GLYAT: variants seen among roughly 807,000 people sequenced by gnomAD.
The protein encoded by GLYAT is glycine N-acyltransferase.
A neutral mutation model predicts 22.8 loss-of-function variants in GLYAT; 25 were observed. The observed-to-expected ratio is 1.09, with a 90% CI of 0.80 to 1.53. GLYAT has a LOEUF of 1.53. Among genes scored for constraint, GLYAT ranks in the 40% most tolerant of loss-of-function variants. GLYAT has a pLI of 0.00. For missense variants in GLYAT, 411 were observed against 353.9 expected (o/e 1.16, Z -1.29); for synonymous variants, 140 against 122.7 (o/e 1.14, Z -0.93).
At chr11:58,710,496 T>C (rs916378353) in intron 5 of GLYAT, 94 bp downstream of exon 5, 1 of 964,464 alleles carries the variant, frequency 1.0e-6, no homozygotes, top group African/African-American at 1.6e-5. Flanking sequence ...TTGTACAACA[T>C]TGATTGTAGG....
Position 58,715,523 on chromosome 11 carries a change from A to G in GLYAT, c.82-100T>C. ...AAAATTATTTCTATAAAATCATGAC[A>G]TTTTATGATACAAAGTAGCCAAATG... On this transcript the variant is annotated intron_variant, in intron 2 of 5. Coordinates refer to ENST00000344743, the MANE Select transcript of GLYAT (RefSeq NM_201648.3). 3 of 641,676 alleles carry G rather than the reference A, an allele frequency of 4.7e-6. No individual in the cohort carries two copies. In the South Asian group the frequency reaches 5.7e-5, roughly 12 times the overall value. The allele number at this position is 641,676 out of a possible 1,614,324, so 39.7% of individuals were successfully genotyped here. A position where few individuals can be genotyped will look rare whatever the true frequency, so the allele number is the denominator to read the frequency against.
intron 2 of GLYAT, among the ~76,000 whole-genome samples, chr11:58,716,319 T>C (rs1373280151): frequency 6.6e-6 from 1 of 152,088 alleles, no homozygotes; most frequent in South Asian, 2.1e-4. Flanking sequence ...AAAAAGGTGC[T>C]GTGCACTTGA....
intron 2 of GLYAT, among the ~76,000 whole-genome samples, chr11:58,724,015 G>A (rs1406412386): frequency 6.6e-6 from 1 of 152,098 alleles, no homozygotes; most frequent in African/African-American, 2.4e-5. Context: ...TAATAAACAA[G>A]TTAAACATTA....
In GLYAT at chr11:58,710,643, A is replaced by G; in HGVS notation, c.435T>C (p.Pro145=). Residue 145 remains proline (P), a synonymous_variant, in exon 5 of 6, where the codon CCT becomes CCC. Transcript: ENST00000344743. ...MAAETAKELT[P]FLLKSKILSP... ...ATAAAATCTTTGATTTCAGCAGGAA[A>G]GGAGTCAGTTCCTTGGCTGTTTCAG... is the stretch of plus-strand genomic sequence containing the variant. 1 of 1,609,130 alleles carries G rather than the reference A, an allele frequency of 6.2e-7. No homozygotes were observed. Among genetic ancestry groups the G allele is most frequent in the Non-Finnish European group, 8.5e-7 (1 of 1,175,448 alleles).
At position 58,713,990 on chromosome 11, in the gene GLYAT, G is replaced by T. The variant is rs115098200; in HGVS notation, c.190-1104C>A. Among the ~76,000 whole-genome samples the T allele has an allele frequency of 3.7e-3, 562 of 152,102 alleles. 6 individuals carry two copies. Among genetic ancestry groups the T allele is most frequent in the African/African-American group, 0.012 (502 of 41,502 alleles). Reference sequence around the variant, plus strand: ...TACATTTTGAAATGGCTAAATCAGGGTAATTAGCATACATATTGCTTCCCC... The same window carrying T: ...TACATTTTGAAATGGCTAAATCAGGTTAATTAGCATACATATTGCTTCCCC... On this transcript the variant is annotated intron_variant, in intron 3 of 5. Transcript: ENST00000344743.
chr11:58,723,821 T>G (rs959970511), intron 2 of GLYAT, among the ~76,000 whole-genome samples: 25 of 152,024 alleles, frequency 1.6e-4, no homozygotes, highest in African/African-American at 6.0e-4. Context: ...TTGTTTTATT[T>G]AATTCTTAGA....
intron 2 of GLYAT, among the ~76,000 whole-genome samples, chr11:58,718,464 A>G (rs938299930): frequency 2.9e-4 from 44 of 152,200 alleles, no homozygotes; most frequent in African/African-American, 9.6e-4. Context: ...TTAACATTTT[A>G]TCTCTCTATG....
At chr11:58,728,479 A>G (rs1035912103) in intron 1 of GLYAT, among the ~76,000 whole-genome samples, 2 of 152,170 alleles carry the variant, frequency 1.3e-5, no homozygotes, top group African/African-American at 2.4e-5. Context: ...CTGCAGACCC[A>G]TAAGAATTCA....
At chr11:58,727,076 C>T (rs563654392) in intron 1 of GLYAT, among the ~76,000 whole-genome samples, 1 of 152,132 alleles carries the variant, frequency 6.6e-6, no homozygotes, top group East Asian at 1.9e-4. Context: ...TTCAAAAACC[C>T]CAGAAAAACT....
At chr11:58,715,543 CA>C in intron 2 of GLYAT, 120 bp from the exon 3 acceptor site, 1 of 616,210 alleles carries the variant, frequency 1.6e-6, no homozygotes, top group East Asian at 2.7e-5. Context: ...ACAAAGTAGC[CA>C]AATGGAGAAT....
chr11:58,717,736 A>AT (rs1267988877), intron 2 of GLYAT, among the ~76,000 whole-genome samples: 1 of 151,994 alleles, frequency 6.6e-6, no homozygotes, highest in African/African-American at 2.4e-5. Flanking sequence ...CCAGTTTCCC[A>AT]TTTTTACTAA....
At chr11:58,725,180 C>A (rs558402534) in intron 1 of GLYAT, among the ~76,000 whole-genome samples, 4 of 152,214 alleles carry the variant, frequency 2.6e-5, no homozygotes, top group African/African-American at 9.6e-5. Flanking sequence ...GCATCATATT[C>A]AAAACTTGTA....
chr11:58,730,061 A>G (rs1856856739), intron 1 of GLYAT, among the ~76,000 whole-genome samples: 1 of 152,200 alleles, frequency 6.6e-6, no homozygotes, highest in African/African-American at 2.4e-5. Context: ...TGACACAATA[A>G]TGGTAGCTGG....
intron 2 of GLYAT, among the ~76,000 whole-genome samples, chr11:58,716,530 C>A (rs1203961082): frequency 1.3e-5 from 2 of 152,018 alleles, no homozygotes; most frequent in Non-Finnish European, 2.9e-5. Flanking sequence ...ACAGTTTTGG[C>A]AAAATATAGT....
intron 2 of GLYAT, among the ~76,000 whole-genome samples, chr11:58,720,925 A>G (rs1319600666): frequency 2.6e-5 from 4 of 152,188 alleles, no homozygotes; most frequent in African/African-American, 2.4e-5. Flanking sequence ...TAGCTTATTT[A>G]TTAAAGATTT....
Position 58,709,671 on chromosome 11 carries a change from G to C in GLYAT, c.*95C>G. 1 of 1,341,072 alleles carries C rather than the reference G, an allele frequency of 7.5e-7. No individual in the cohort carries two copies. Among genetic ancestry groups the C allele is most frequent in the Admixed American group, 2.1e-5 (1 of 46,788 alleles). 83.1% of individuals were successfully genotyped at this position (1,341,072 alleles called of 1,614,324 possible). ...TCCAAACAGTGCCCACTCCTTTACT[G>C]CTGATTACAATTTATTATTTCTTTT... On this transcript the variant is annotated 3_prime_UTR_variant, in exon 6 of 6. Coordinates refer to ENST00000344743, the MANE Select transcript of GLYAT (RefSeq NM_201648.3).
chr11:58,731,071 G>C (rs1204857566), intron 1 of GLYAT, among the ~76,000 whole-genome samples: 2 of 152,186 alleles, frequency 1.3e-5, no homozygotes, highest in Admixed American at 6.6e-5. Context: ...AATGGTGGTA[G>C]TACTGTTGTA....
Position 58,710,685 on chromosome 11 carries a change from G to A in GLYAT, c.393C>T (p.Arg131=). Residue 131 remains arginine, a synonymous_variant, in exon 5 of 6, where the codon CGC becomes CGT. Transcript: ENST00000344743. Reference sequence around the variant, plus strand: ...CTGTTTCAGCTGCCATATAGAGAATGCGTTGTGTTTGTTTGACTTTGAAGG... The same window carrying A: ...CTGTTTCAGCTGCCATATAGAGAATACGTTGTGTTTGTTTGACTTTGAAGG... The part of the protein sequence containing the change: ...IKSFKVKQTQ[R]ILYMAAETAK... 1 of 1,613,168 alleles carries A rather than the reference G, an allele frequency of 6.2e-7. No individual in the cohort carries two copies. Among genetic ancestry groups the A allele is most frequent in the Non-Finnish European group, 8.5e-7 (1 of 1,179,188 alleles).
chr11:58,726,303 A>G (rs1176018955), intron 1 of GLYAT, among the ~76,000 whole-genome samples: 1 of 152,072 alleles, frequency 6.6e-6, no homozygotes, highest in Non-Finnish European at 1.5e-5. Context: ...GAATATAGAC[A>G]AAGGTCAGTC....
Sources: gnomAD v4.1 joint callset for allele counts (sites outside exome capture counted in the v4.1 genomes callset) on GRCh38, gnomAD v4.1.1 for gene constraint, MANE v1.5 for transcripts, NCBI Gene and HGNC (gene_info 2026-07-23, HGNC 2026-07-21) for gene names.